Variants in NSUN6 observed in about 807,000 individuals in gnomAD.
NSUN6 encodes the protein NOP2/Sun RNA methyltransferase 6.
Under a neutral mutation model 58.0 loss-of-function variants are expected in NSUN6, and 64 were observed. The ratio of observed to expected loss-of-function variants is 1.10; its 90% CI spans 0.90 to 1.36. The LOEUF is 1.36. Ranked by LOEUF, NSUN6 falls within the 40% of genes most tolerant of loss-of-function variation. NSUN6 has a pLI of 0.00. For synonymous variants in NSUN6, 231 were observed against 193.9 expected, an observed-to-expected ratio of 1.19 and a Z score of -1.59; for missense variants, 701 against 550.1, an observed-to-expected ratio of 1.27 and a Z score of -2.74.
At chr10:18,558,016 A>G (rs1461850638) in intron 8 of NSUN6, among the ~76,000 whole-genome samples, 2 of 151,120 alleles carry the variant, frequency 1.3e-5, no homozygotes, top group Non-Finnish European at 3.0e-5. Context: ...ATGAATGGAG[A>G]ATGAAATGAA....
At chr10:18,552,065 G>T in intron 8 of NSUN6, 94 bp from the exon 9 acceptor site, 3 of 745,462 alleles carry the variant, frequency 4.0e-6, no homozygotes, top group East Asian at 2.7e-5. Flanking sequence ...TCATAATCTA[G>T]AATAAAAAAA....
At chr10:18,553,632 G>A (rs2054765655) in intron 8 of NSUN6, among the ~76,000 whole-genome samples, 1 of 151,612 alleles carries the variant, frequency 6.6e-6, no homozygotes, top group Non-Finnish European at 1.5e-5. Flanking sequence ...GAACGGAATG[G>A]AAGGAAGAAT....
At chr10:18,601,850 G>A (rs1474682541) in intron 6 of NSUN6, among the ~76,000 whole-genome samples, 4 of 151,442 alleles carry the variant, frequency 2.6e-5, no homozygotes, top group South Asian at 2.1e-4. Context: ...GGTGGTGGGC[G>A]CCTGTAATCC....
At chr10:18,571,063 C>G (rs62648448) in intron 8 of NSUN6, among the ~76,000 whole-genome samples, 25,028 of 150,932 alleles carry the variant, frequency 0.17, 2,187 homozygotes, top group Admixed American at 0.2. Context: ...CCACTCAATT[C>G]TCCATTTCAT....
At chr10:18,595,223 C>A (rs983634660) in intron 7 of NSUN6, among the ~76,000 whole-genome samples, 2 of 152,114 alleles carry the variant, frequency 1.3e-5, no homozygotes, top group Admixed American at 6.5e-5. Flanking sequence ...GACTCCTGAG[C>A]CCCCAAAATG....
rs10671283 is a variant in NSUN6, at chr10:18,624,647, C to CAAA, written c.312-8357_312-8355dup. Among the ~76,000 whole-genome samples the CAAA allele has an allele frequency of 7.3e-3, 565 of 77,034 alleles. 35 individuals are homozygous for CAAA. Among genetic ancestry groups the CAAA allele is most frequent in the Middle Eastern group, 0.011 (1 of 94 alleles). The allele number at this position is 77,034 out of a possible 152,430, so 50.5% of individuals were successfully genotyped here. A position where few individuals can be genotyped will look rare whatever the true frequency, so the allele number is the denominator to read the frequency against. On this transcript the variant is annotated intron_variant, in intron 3 of 10. Transcript: ENST00000377304. ...TGGGAGACAGAGCGAGACTCTGTCT[C>CAAA]AAAAAAAAAAAAAAAAAGAACGAAT... is the stretch of plus-strand genomic sequence containing the variant.
intron 3 of NSUN6, among the ~76,000 whole-genome samples, chr10:18,626,603 A>G (rs2058815910): frequency 6.6e-6 from 1 of 152,178 alleles, no homozygotes; most frequent in African/African-American, 2.4e-5. Flanking sequence ...CCCTGTCTCT[A>G]CTAAAAATAC....
Position 18,545,803 on chromosome 10 carries a change from C to G in NSUN6, c.*130G>C, listed in dbSNP as rs1304415761. The G allele has an allele frequency of 6.0e-6, 4 of 664,534 alleles. No homozygotes were observed. The highest frequency in any genetic ancestry group is 1.1e-5 in the Non-Finnish European group (4 of 380,880). 41.2% of individuals were successfully genotyped at this position (664,534 alleles called of 1,614,324 possible). On this transcript the variant is annotated 3_prime_UTR_variant, in exon 11 of 11. Transcript: ENST00000377304. Reference sequence around the variant, plus strand: ...TGTCTCTGGATCCCTGGTAAAACAGCTGGCAGCCTTTTCTGTTTCCATAGC... The same window carrying G: ...TGTCTCTGGATCCCTGGTAAAACAGGTGGCAGCCTTTTCTGTTTCCATAGC...
intron 8 of NSUN6, among the ~76,000 whole-genome samples, chr10:18,559,637 T>C (rs2055328336): frequency 6.7e-6 from 1 of 148,704 alleles, no homozygotes; most frequent in Admixed American, 6.7e-5. Context: ...GAGAATGGAA[T>C]GGAATTAAGA....
chr10:18,589,788 C>G lies in NSUN6; in HGVS notation c.778-3695G>C, dbSNP rs556141334. Among the ~76,000 whole-genome samples, 317 of 152,280 alleles carry G rather than the reference C, an allele frequency of 2.1e-3. 2 individuals carry two copies. The highest frequency in any genetic ancestry group is 7.4e-3 in the African/African-American group (307 of 41,548). On this transcript the variant is annotated intron_variant, in intron 7 of 10. Coordinates refer to ENST00000377304, the MANE Select transcript of NSUN6 (RefSeq NM_182543.5). Reference sequence around the variant, plus strand: ...AAATATGGAAAGGAAAAACCAGTAACAGCCACTGCAAAAACACACCAAAAT... The same window carrying G: ...AAATATGGAAAGGAAAAACCAGTAAGAGCCACTGCAAAAACACACCAAAAT...
chr10:18,568,049 C>T (rs1432610939), intron 8 of NSUN6, among the ~76,000 whole-genome samples: 1 of 151,164 alleles, frequency 6.6e-6, no homozygotes, highest in African/African-American at 2.4e-5. Flanking sequence ...ATTCTATTCT[C>T]CATTCTCCAT....
intron 8 of NSUN6, among the ~76,000 whole-genome samples, chr10:18,573,425 C>T (rs1182835713): frequency 6.6e-6 from 1 of 151,592 alleles, no homozygotes; most frequent in Non-Finnish European, 1.5e-5. Flanking sequence ...GTTCCATTTT[C>T]CTTTCCATTC....
chr10:18,574,181 C>A (rs111847645), intron 8 of NSUN6, among the ~76,000 whole-genome samples: 1,809 of 152,066 alleles, frequency 0.012, 35 homozygotes, highest in African/African-American at 0.041. Context: ...TTGTGGATGG[C>A]CTCAATGCAT....
At chr10:18,611,899 A>G (rs980799170) in intron 5 of NSUN6, among the ~76,000 whole-genome samples, 1 of 152,112 alleles carries the variant, frequency 6.6e-6, no homozygotes, top group African/African-American at 2.4e-5. Flanking sequence ...TTTAGCATAC[A>G]ATAAATGCTG....
chr10:18,611,451 G>A lies in NSUN6; in HGVS notation c.576-1525C>T, dbSNP rs530486200. 9.9e-5 allele frequency among the ~76,000 whole-genome samples: 15 copies of A among 152,254 alleles called. No homozygotes were observed. In the South Asian group the frequency reaches 2.9e-3, roughly 29 times the overall value. On this transcript the variant is annotated intron_variant, in intron 5 of 10. Coordinates refer to ENST00000377304, the MANE Select transcript of NSUN6 (RefSeq NM_182543.5). Reference sequence around the variant, plus strand: ...GGATAAGTTTATGTTGGTCTTTAGAGTAAAATAACGTCAGTAGATACCCGT... The same window carrying A: ...GGATAAGTTTATGTTGGTCTTTAGAATAAAATAACGTCAGTAGATACCCGT...
intron 6 of NSUN6, among the ~76,000 whole-genome samples, chr10:18,605,070 A>C (rs917037209): frequency 6.6e-6 from 1 of 151,450 alleles, no homozygotes; most frequent in Non-Finnish European, 1.5e-5. Context: ...TATTTTTAGT[A>C]GAGATGGGGT....
chr10:18,578,229 C>CTATTTT (rs2056750489), intron 8 of NSUN6, among the ~76,000 whole-genome samples: 1 of 84,200 alleles, frequency 1.2e-5, no homozygotes, highest in Non-Finnish European at 2.4e-5. Flanking sequence ...TTCTCTAAGC[C>CTATTTT]TATTTTTTTT....
intron 2 of NSUN6, among the ~76,000 whole-genome samples, chr10:18,644,414 G>C (rs942626869): frequency 1.3e-5 from 2 of 151,834 alleles, no homozygotes; most frequent in African/African-American, 2.4e-5. Context: ...TGTTGTTGTT[G>C]AACAGCTAAT....
At chr10:18,632,476 A>G (rs981191513) in intron 3 of NSUN6, among the ~76,000 whole-genome samples, 7 of 148,772 alleles carry the variant, frequency 4.7e-5, no homozygotes, top group Non-Finnish European at 7.4e-5. Flanking sequence ...GCAACCTACA[A>G]AATGGGAGAA....
Sources: allele counts gnomAD v4.1 joint callset (sites outside exome capture counted in the v4.1 genomes callset), GRCh38; gene constraint gnomAD v4.1.1; transcripts MANE v1.5; gene names NCBI Gene and HGNC (gene_info 2026-07-23, HGNC 2026-07-21).